Variants in AK7 observed in about 807,000 individuals in gnomAD.
AK7 encodes the protein ATP-AMP transphosphorylase 7.
Under a neutral mutation model 96.6 loss-of-function variants are expected in AK7, and 78 were observed. The ratio of observed to expected loss-of-function variants is 0.81; its 90% confidence interval spans 0.67 to 0.97. The LOEUF is 0.97. Ranked by LOEUF, AK7 falls within the 50% of genes least tolerant of loss-of-function variation. AK7 has a pLI of 0.00. For synonymous variants in AK7, 302 were observed against 317.2 expected, an observed-to-expected ratio of 0.95 and a Z score of 0.51; for missense variants, 855 against 887.9, an observed-to-expected ratio of 0.96 and a Z score of 0.47.
At chr14:96,453,173 T>C (rs1465265961) in intron 10 of AK7, among the ~76,000 whole-genome samples, 1 of 152,158 alleles carries the variant, frequency 6.6e-6, no homozygotes, top group African/African-American at 2.4e-5. Context: ...AAAGAAATAA[T>C]GATCTCTTTA....
chr14:96,442,672 G>A, intron 6 of AK7, 58 bp from the exon 7 acceptor site: 1 of 1,300,628 alleles, frequency 7.7e-7, no homozygotes, highest in Non-Finnish European at 1.1e-6. Context: ...TTATGTGTGA[G>A]CTGTAATAGC....
chr14:96,402,629 C>T (rs1405621801), intron 2 of AK7, among the ~76,000 whole-genome samples: 1 of 152,098 alleles, frequency 6.6e-6, no homozygotes, highest in Non-Finnish European at 1.5e-5. Flanking sequence ...TGTCATGCTA[C>T]TGGTAAAGTA....
At chr14:96,455,753 T>C (rs567355170) in intron 10 of AK7, among the ~76,000 whole-genome samples, 19 of 152,278 alleles carry the variant, frequency 1.2e-4, no homozygotes, top group African/African-American at 4.1e-4. Context: ...TCAGCCCATG[T>C]AGTTGGTGCC....
rs1220587319 is a variant in AK7, at chr14:96,424,414, C to T, written c.609+3482C>T. 2.6e-5 allele frequency among the ~76,000 whole-genome samples: 4 copies of T among 152,240 alleles called. No individual in the cohort carries two copies. The East Asian group carries it at 5.8e-4, about 22-fold the overall frequency. On this transcript the variant is annotated intron_variant, in intron 5 of 17. Coordinates refer to ENST00000267584, the MANE Select transcript of AK7 (RefSeq NM_152327.5). ...GTTCTCAGTGTTTTACTCATGGTAT[C>T]TCATGTCATCTTCAAGAGTCTCATA...
At chr14:96,402,219 AATT>A (rs1890456796) in intron 2 of AK7, among the ~76,000 whole-genome samples, 12 of 148,536 alleles carry the variant, frequency 8.1e-5, no homozygotes, top group African/African-American at 2.8e-4. Flanking sequence ...ACACACACAC[AATT>A]CTTCTTAGTA....
intron 1 of AK7, among the ~76,000 whole-genome samples, chr14:96,394,545 A>ACTTC (rs1230726025): frequency 5.3e-5 from 8 of 152,208 alleles, no homozygotes; most frequent in Admixed American, 1.3e-4. Flanking sequence ...ATAGAAATTT[A>ACTTC]TTACATAGAT....
At chr14:96,440,531 C>T (rs1238406279) in intron 6 of AK7, among the ~76,000 whole-genome samples, 2 of 152,160 alleles carry the variant, frequency 1.3e-5, no homozygotes, top group African/African-American at 2.4e-5. Flanking sequence ...CTCTGTAGGT[C>T]CAGCTGCCTA....
At chr14:96,420,791 G>A in intron 4 of AK7, 31 bp from the exon 5 acceptor site, 1 of 1,512,386 alleles carries the variant, frequency 6.6e-7, no homozygotes, top group African/African-American at 1.4e-5. Flanking sequence ...AATTCACCAA[G>A]TCTGTACCTT....
At chr14:96,424,250 C>G in intron 5 of AK7, 1 of 431,032 alleles carries the variant, frequency 2.3e-6, no homozygotes, top group Non-Finnish European at 4.2e-6. Context: ...GCCGGGAGTG[C>G]CGCGGGAGGC....
At chr14:96,467,757 C>T (rs1303454521) in intron 12 of AK7, among the ~76,000 whole-genome samples, 1 of 152,108 alleles carries the variant, frequency 6.6e-6, no homozygotes. Context: ...TTTTGTATCT[C>T]AGCAAACAAT....
chr14:96,468,651 A>G (rs957420887), intron 12 of AK7, among the ~76,000 whole-genome samples: 8 of 151,952 alleles, frequency 5.3e-5, no homozygotes, highest in African/African-American at 1.7e-4. Flanking sequence ...ATCAGTTAAG[A>G]CAGTACAGTT....
chr14:96,422,822 A>G (rs1018102265), intron 5 of AK7, among the ~76,000 whole-genome samples: 6 of 152,344 alleles, frequency 3.9e-5, no homozygotes, highest in Admixed American at 2.6e-4. Flanking sequence ...TGACATGTCC[A>G]TTATAAAATT....
At chr14:96,439,067 T>C (rs1355141794) in intron 6 of AK7, among the ~76,000 whole-genome samples, 2 of 152,008 alleles carry the variant, frequency 1.3e-5, no homozygotes, top group Admixed American at 1.3e-4. Context: ...TTCAGGAAGT[T>C]TGAGATAATT....
intron 9 of AK7, among the ~76,000 whole-genome samples, chr14:96,450,931 C>G (rs1033472632): frequency 2.0e-5 from 3 of 151,924 alleles, no homozygotes; most frequent in African/African-American, 7.3e-5. Flanking sequence ...CCTGCCACCA[C>G]GCCCAGCTAA....
At chr14:96,400,126 C>T (rs1890324552) in intron 2 of AK7, among the ~76,000 whole-genome samples, 1 of 149,432 alleles carries the variant, frequency 6.7e-6, no homozygotes. Flanking sequence ...GCAACCTTCG[C>T]CTCCTGGGTT....
rs1895598151 is a variant in AK7 at position 96,483,183 on chromosome 14, G to A, written c.1938G>A (p.Val646=). 1 of 1,611,382 alleles carries A rather than the reference G, an allele frequency of 6.2e-7. No homozygotes were observed. The highest frequency in any genetic ancestry group is 8.5e-7 in the Non-Finnish European group (1 of 1,178,930). ...EEAEREHQEA[V]EMAEKIARWE... is the part of the protein sequence containing the mutation. ...CAGAACGCGAGCACCAGGAGGCCGTGGAGATGGCAGAGAAGATAGCTCGCT... is the reference window on the plus strand; with the variant it reads ...CAGAACGCGAGCACCAGGAGGCCGTAGAGATGGCAGAGAAGATAGCTCGCT... Residue 646 remains valine, a synonymous_variant, in exon 16 of 18, where the codon GTG becomes GTA. Transcript: ENST00000267584.
In AK7 at chr14:96,446,535, A is replaced by G; in HGVS notation, c.798A>G (p.Ile266Met). Residue 266 changes from isoleucine (I) to methionine (M), a missense_variant, in exon 8 of 18, where the codon ATA (isoleucine) becomes ATG (methionine). By Grantham distance (10) the Ile-to-Met change is conservative. Coordinates refer to ENST00000267584, the MANE Select transcript of AK7 (RefSeq NM_152327.5). Reference sequence around the variant, plus strand: ...TCTGCAGAGTGATACAAAACGTCATAGATCACGTGCCAAAGCCTCACTACC... The same window carrying G: ...TCTGCAGAGTGATACAAAACGTCATGGATCACGTGCCAAAGCCTCACTACC... ...LDLAGVIQNV[I>M]DHVPKPHYLV... The G allele has an allele frequency of 6.2e-7, 1 of 1,614,198 alleles. No individual in the cohort carries two copies. The highest frequency in any genetic ancestry group is 8.5e-7 in the Non-Finnish European group (1 of 1,180,016).
intron 4 of AK7, among the ~76,000 whole-genome samples, chr14:96,411,178 C>T (rs1891008205): frequency 6.6e-6 from 1 of 152,052 alleles, no homozygotes; most frequent in African/African-American, 2.4e-5. Context: ...AGTTGGATTA[C>T]ATAACTGAAA....
Position 96,449,887 on chromosome 14 carries a change from T to A in AK7, c.948+8T>A. On this transcript the variant is annotated splice_region_variant and intron_variant, in intron 9 of 17. Coordinates refer to ENST00000267584, the MANE Select transcript of AK7 (RefSeq NM_152327.5). Reference sequence around the variant, plus strand: ...CTAACCAAGGACTTAACGGTTAGTATATGCGGTGTTTTTTTTTTTTTAACT... The same window carrying A: ...CTAACCAAGGACTTAACGGTTAGTAAATGCGGTGTTTTTTTTTTTTTAACT... 1 of 1,494,566 alleles carries A rather than the reference T, an allele frequency of 6.7e-7. No homozygotes were observed. The highest frequency in any genetic ancestry group is 1.2e-5 in the South Asian group (1 of 81,388). 92.6% of individuals were successfully genotyped at this position (1,494,566 alleles called of 1,614,324 possible). A position where few individuals can be genotyped will look rare whatever the true frequency, so the allele number is the denominator to read the frequency against.
Sources: allele counts gnomAD v4.1 joint callset (sites outside exome capture counted in the v4.1 genomes callset), GRCh38; gene constraint gnomAD v4.1.1; transcripts MANE v1.5; gene names NCBI Gene and HGNC (gene_info 2026-07-23, HGNC 2026-07-21).